The following TOX variants were observed in gnomAD, a reference collection of about 807,000 sequenced individuals.
The protein encoded by TOX is thymocyte selection associated high mobility group box, also known as thymocyte selection-associated high mobility group box protein TOX.
TOX carries 11 observed loss-of-function variants against 53.7 expected under a neutral mutation model. The ratio of observed to expected loss-of-function variants is 0.20; its 90% confidence interval spans 0.13 to 0.34. TOX has a LOEUF of 0.34. Ranked by LOEUF, TOX falls within the 10% of genes least tolerant of loss-of-function variation. TOX has a pLI of 1.00. For missense variants in TOX, 570 were observed against 664.6 expected, an observed-to-expected ratio of 0.86 and a Z score of 1.56; for synonymous variants, 225 against 245.3, an observed-to-expected ratio of 0.92 and a Z score of 0.77.
At chr8:58,970,461 C>T (rs914036281) in intron 1 of TOX, among the ~76,000 whole-genome samples, 3 of 152,124 alleles carry the variant, frequency 2.0e-5, no homozygotes, top group Admixed American at 6.5e-5. Flanking sequence ...TCTGACAGTG[C>T]CAGGAGGTAA....
intron 7 of TOX, among the ~76,000 whole-genome samples, chr8:58,808,514 A>G (rs149323270): frequency 8.5e-4 from 129 of 152,332 alleles, no homozygotes; most frequent in African/African-American, 2.6e-3. Context: ...ACCCTTGAGC[A>G]GATAAATTGA....
chr8:58,879,798 C>A (rs1811352420), intron 3 of TOX, among the ~76,000 whole-genome samples: 1 of 152,124 alleles, frequency 6.6e-6, no homozygotes, highest in South Asian at 2.1e-4. Context: ...CTGGATGGAT[C>A]TATGACAAAC....
In TOX at chr8:59,108,300, G is replaced by A. The variant is rs149789105; in HGVS notation, c.102+10586C>T. On this transcript the variant is annotated intron_variant, in intron 1 of 8. Transcript: ENST00000361421. ...GCCAGAGTTGTCCTCAACACACCCT[G>A]TCAAATTCACGTATATTGTGCAATG... Among the ~76,000 whole-genome samples the A allele has an allele frequency of 5.3e-5, 8 of 152,278 alleles. No individual in the cohort carries two copies. In the East Asian group the frequency reaches 1.5e-3, roughly 29 times the overall value.
chr8:58,947,605 G>A (rs1023113411), intron 2 of TOX, among the ~76,000 whole-genome samples: 4 of 151,888 alleles, frequency 2.6e-5, no homozygotes, highest in African/African-American at 9.7e-5. Flanking sequence ...CTCTATACTA[G>A]GAAAAAAAAG....
intron 3 of TOX, among the ~76,000 whole-genome samples, chr8:58,914,625 A>G (rs1208459045): frequency 6.6e-6 from 1 of 152,204 alleles, no homozygotes; most frequent in Non-Finnish European, 1.5e-5. Context: ...AAAAAACAGT[A>G]TCCTTCTCCC....
intron 3 of TOX, among the ~76,000 whole-genome samples, chr8:58,921,179 T>C (rs1237009106): frequency 1.3e-5 from 2 of 152,244 alleles, no homozygotes; most frequent in Non-Finnish European, 2.9e-5. Context: ...GCACCATCTC[T>C]TGAACAAGTG....
At chr8:59,055,557 G>A (rs1803875160) in intron 1 of TOX, among the ~76,000 whole-genome samples, 1 of 152,146 alleles carries the variant, frequency 6.6e-6, no homozygotes, top group Admixed American at 6.5e-5. Flanking sequence ...AAAGAAAAAG[G>A]CTAGAAGCAG....
chr8:58,865,323 G>A (rs2129169464), intron 3 of TOX, among the ~76,000 whole-genome samples: 2 of 152,134 alleles, frequency 1.3e-5, no homozygotes, highest in East Asian at 3.9e-4. Flanking sequence ...AGTTAACTCT[G>A]AATATTCATG....
intron 1 of TOX, among the ~76,000 whole-genome samples, chr8:59,102,000 G>A (rs1054910890): frequency 7.2e-5 from 11 of 152,180 alleles, no homozygotes; most frequent in Non-Finnish European, 1.5e-4. Context: ...GATGCAGGTG[G>A]GAGAGTGGTA....
intron 2 of TOX, among the ~76,000 whole-genome samples, chr8:58,950,596 A>T (rs190677609): frequency 1.8e-4 from 28 of 152,332 alleles, no homozygotes; most frequent in African/African-American, 6.5e-4. Flanking sequence ...GTGGAAAAAA[A>T]TAGTTGAAAA....
Position 58,882,964 on chromosome 8 carries a change from G to A in TOX, c.412-31159C>T, listed in dbSNP as rs564950203. The stretch of plus-strand genomic sequence containing the variant: ...TTAAGGTACAGAAGAACAATGTCTC[G>A]CTTGCAAACACTCATTTCTGAATAA... On this transcript the variant is annotated intron_variant, in intron 3 of 8. Coordinates refer to ENST00000361421, the MANE Select transcript of TOX (RefSeq NM_014729.3). Among the ~76,000 whole-genome samples, 8 of 152,236 alleles carry A rather than the reference G, an allele frequency of 5.3e-5. No individual in the cohort carries two copies. In the South Asian group the frequency reaches 6.2e-4, roughly 12 times the overall value.
chr8:58,828,630 G>A (rs1182492007), intron 5 of TOX, among the ~76,000 whole-genome samples: 1 of 152,020 alleles, frequency 6.6e-6, no homozygotes, highest in African/African-American at 2.4e-5. Flanking sequence ...CTAAAGTCGA[G>A]TAAGTGCCTT....
chr8:59,044,178 T>C (rs1803644714), intron 1 of TOX, among the ~76,000 whole-genome samples: 1 of 148,626 alleles, frequency 6.7e-6, no homozygotes, highest in African/African-American at 2.5e-5. Context: ...GGTGGTATCC[T>C]TAAAGGCTTC....
chr8:59,096,204 T>C (rs1415542390), intron 1 of TOX, among the ~76,000 whole-genome samples: 2 of 152,344 alleles, frequency 1.3e-5, no homozygotes, highest in South Asian at 4.1e-4. Context: ...CAGACTAACA[T>C]TGCTTCAAAA....
chr8:59,064,978 C>T (rs1252588916), intron 1 of TOX, among the ~76,000 whole-genome samples: 3 of 152,048 alleles, frequency 2.0e-5, no homozygotes, highest in South Asian at 2.1e-4. Context: ...AACAAAAAAG[C>T]GCCCTGAGGC....
At chr8:58,994,640 A>C (rs1813525708) in intron 1 of TOX, among the ~76,000 whole-genome samples, 1 of 152,180 alleles carries the variant, frequency 6.6e-6, no homozygotes, top group Admixed American at 6.5e-5. Context: ...TAATGCCATA[A>C]AATTTTAAAT....
intron 1 of TOX, among the ~76,000 whole-genome samples, chr8:58,989,750 T>C (rs1262808608): frequency 1.3e-5 from 2 of 152,236 alleles, no homozygotes; most frequent in Non-Finnish European, 2.9e-5. Flanking sequence ...AAATGAAATG[T>C]TCTATGACCA....
At chr8:59,043,313 G>T (rs1803627116) in intron 1 of TOX, among the ~76,000 whole-genome samples, 1 of 151,380 alleles carries the variant, frequency 6.6e-6, no homozygotes, top group South Asian at 2.1e-4. Flanking sequence ...ATGTGTTAAA[G>T]TACAGCAAAA....
chr8:59,118,117 C>T lies in TOX; in HGVS notation c.102+769G>A. Among the ~76,000 whole-genome samples, 1 of 152,278 alleles carries T rather than the reference C, an allele frequency of 6.6e-6. No homozygotes were observed. Among genetic ancestry groups the T allele is most frequent in the Non-Finnish European group, 1.5e-5 (1 of 68,018 alleles). ...CCCGGGCCCCCGCGGCCCTGGCACCCGAGGTCAGCGGGCCGTGGGTACAGC... is the reference window on the plus strand; with the variant it reads ...CCCGGGCCCCCGCGGCCCTGGCACCTGAGGTCAGCGGGCCGTGGGTACAGC... On this transcript the variant is annotated intron_variant, in intron 1 of 8. Coordinates refer to ENST00000361421, the MANE Select transcript of TOX (RefSeq NM_014729.3). This position sits in a 1 kb window ranked among gnomAD's most constrained non-coding sequence, Gnocchi z 4.1.
Sources: gnomAD v4.1 joint callset for allele counts (sites outside exome capture counted in the v4.1 genomes callset) on GRCh38, gnomAD v4.1.1 for gene constraint, Gnocchi (gnomAD v3.1) non-coding constraint, MANE v1.5 for transcripts, NCBI Gene and HGNC (gene_info 2026-07-23, HGNC 2026-07-21) for gene names.